The following CDKN3 variants were observed in gnomAD, a reference collection of about 807,000 sequenced individuals.
CDKN3 encodes the protein cyclin-dependent kinase inhibitor 3.
CDKN3 carries 19 observed loss-of-function variants against 36.1 expected under a neutral mutation model. The ratio of observed to expected loss-of-function variants is 0.53; its 90% CI spans 0.37 to 0.77. The LOEUF is 0.77. CDKN3 is among the 30% of genes least tolerant of loss of function. The probability of loss-of-function intolerance (pLI) is 0.00; values close to 1 mark genes in which losing one functional copy is unlikely to be tolerated. For missense variants in CDKN3, 188 were observed against 248.6 expected, an observed-to-expected ratio of 0.76 and a Z score of 1.64; for synonymous variants, 71 against 85.3, an observed-to-expected ratio of 0.83 and a Z score of 0.92.
intron 4 of CDKN3, 34 bp from the exon 5 acceptor site, chr14:54,411,448 ATG>A (rs757220020): frequency 1.0e-5 from 15 of 1,481,786 alleles, no homozygotes; most frequent in African/African-American, 1.4e-5. Context: ...GATGTTTTCT[ATG>A]TGTGTGTGTC....
At chr14:54,419,940 A>G in intron 7 of CDKN3, 52 bp from the exon 8 acceptor site, 2 of 1,011,204 alleles carry the variant, frequency 2.0e-6, no homozygotes, top group African/African-American at 3.2e-5. Flanking sequence ...TTGTGCCCAC[A>G]CTGATAACTA....
chr14:54,415,782 T>G, intron 5 of CDKN3, 117 bp from the exon 6 acceptor site: 2 of 759,928 alleles, frequency 2.6e-6, no homozygotes, highest in Middle Eastern at 2.3e-4. Flanking sequence ...AATCTTCGTG[T>G]GCAAGGCACT....
chr14:54,413,822 G>C, intron 5 of CDKN3: 1 of 1,404,202 alleles, frequency 7.1e-7, no homozygotes, highest in Non-Finnish European at 9.2e-7. Flanking sequence ...CTTGCCTACT[G>C]TATTTTGTAG....
chr14:54,408,711 C>T (rs2030248970), intron 3 of CDKN3, 34 bp from the exon 4 acceptor site: 3 of 1,558,582 alleles, frequency 1.9e-6, no homozygotes, highest in Non-Finnish European at 2.6e-6. Flanking sequence ...TGACGAAAAA[C>T]TGACTTTTTT....
rs937183586 is a variant in CDKN3 at position 54,407,697 on chromosome 14, C to G, written c.149-1048C>G. ...TCAATAATGGTGGATGCCCCTCCCCCCACCAAGCTGGAACATCCCAGGTTG... is the reference window on the plus strand; with the variant it reads ...TCAATAATGGTGGATGCCCCTCCCCGCACCAAGCTGGAACATCCCAGGTTG... On this transcript the variant is annotated intron_variant, in intron 3 of 7. Transcript: ENST00000335183. Among the ~76,000 whole-genome samples, 8 of 152,324 alleles carry G rather than the reference C, an allele frequency of 5.3e-5. No homozygotes were observed. The East Asian group carries it at 1.4e-3, about 26-fold the overall frequency.
chr14:54,416,419 T>C (rs957793372), intron 6 of CDKN3, among the ~76,000 whole-genome samples: 5 of 152,168 alleles, frequency 3.3e-5, no homozygotes, highest in Non-Finnish European at 7.3e-5. Context: ...AAGAATACTA[T>C]CAAAATGACA....
intron 5 of CDKN3, among the ~76,000 whole-genome samples, chr14:54,412,645 A>G (rs2030399367): frequency 6.6e-6 from 1 of 152,168 alleles, no homozygotes; most frequent in Non-Finnish European, 1.5e-5. Context: ...GGAAGGCCAG[A>G]GAGAGTGGCA....
chr14:54,406,887 CGAG>C (rs547004097), intron 3 of CDKN3, among the ~76,000 whole-genome samples: 80 of 152,114 alleles, frequency 5.3e-4, no homozygotes, highest in Non-Finnish European at 8.4e-4. Context: ...CCCTTGCTGG[CGAG>C]GAGTTGTGAT....
In CDKN3 at chr14:54,397,039, G is replaced by T. The variant is rs750303171; in HGVS notation, c.-30G>T. On this transcript the variant is annotated 5_prime_UTR_variant, in exon 1 of 8. Transcript: ENST00000335183. The stretch of plus-strand genomic sequence containing the variant: ...AGTCGCCGGCGCTGCAGAGGGAGGC[G>T]GCACTGGTCTCGACGTGGGGCGGCC... The T allele has an allele frequency of 2.0e-5, 29 of 1,485,700 alleles. No individual in the cohort carries two copies. The African/African-American group carries it at 2.3e-4, about 12-fold the overall frequency. The allele number at this position is 1,485,700 out of a possible 1,614,324, so 92.0% of individuals were successfully genotyped here. A position where few individuals can be genotyped will look rare whatever the true frequency, so the allele number is the denominator to read the frequency against.
chr14:54,403,026 T>C (rs574869605), intron 3 of CDKN3, among the ~76,000 whole-genome samples: 1 of 152,362 alleles, frequency 6.6e-6, no homozygotes, highest in African/African-American at 2.4e-5. Flanking sequence ...TTGTCTTGGC[T>C]ATATGGGCTC....
intron 5 of CDKN3, chr14:54,414,241 G>C (rs190949224): frequency 2.0e-5 from 3 of 152,556 alleles, no homozygotes; most frequent in Admixed American, 2.0e-4. Flanking sequence ...TGTCTTTTGG[G>C]GGGACATAAT....
chr14:54,416,465 C>A (rs1468489614), intron 6 of CDKN3, among the ~76,000 whole-genome samples: 1 of 152,038 alleles, frequency 6.6e-6, no homozygotes, highest in Non-Finnish European at 1.5e-5. Context: ...TATTTGCAAT[C>A]TATATATTTG....
At chr14:54,405,930 C>T (rs1181881172) in intron 3 of CDKN3, among the ~76,000 whole-genome samples, 2 of 152,264 alleles carry the variant, frequency 1.3e-5, no homozygotes, top group South Asian at 2.1e-4. Context: ...TTCTTCATAG[C>T]GTTGATGGTC....
chr14:54,411,010 C>T (rs1277376635), intron 4 of CDKN3, among the ~76,000 whole-genome samples: 1 of 151,930 alleles, frequency 6.6e-6, no homozygotes, highest in Non-Finnish European at 1.5e-5. Flanking sequence ...GAAACCCCGT[C>T]TCTACTAAAA....
intron 5 of CDKN3, among the ~76,000 whole-genome samples, chr14:54,413,353 ATC>A (rs2030423890): frequency 7.0e-6 from 1 of 142,026 alleles, no homozygotes; most frequent in Non-Finnish European, 1.5e-5. Context: ...CCATTTTGAG[ATC>A]TTTTTTTTTT....
chr14:54,401,569 T>G lies in CDKN3; in HGVS notation c.138T>G (p.Cys46Trp), dbSNP rs1411399263. The change falls in exon 3 of 8, where the codon TGT (cysteine) becomes TGG (tryptophan). Residue 46 changes from cysteine (C) to tryptophan (W), a missense_variant. Coordinates refer to ENST00000335183, the MANE Select transcript of CDKN3 (RefSeq NM_005192.4). ...ATTGTTCTCAGTTTCTCGGTTTATGTGCTCTTCCAGGTGGGTAACACAATA... is the reference window on the plus strand; with the variant it reads ...ATTGTTCTCAGTTTCTCGGTTTATGGGCTCTTCCAGGTGGGTAACACAATA... ...RVNCSQFLGL[C>W]ALPGCKFKDV... is the part of the protein sequence containing the mutation. 11 of 1,608,512 alleles carry G rather than the reference T, an allele frequency of 6.8e-6. No individual in the cohort carries two copies. Among genetic ancestry groups the G allele is most frequent in the Non-Finnish European group, 9.4e-6 (11 of 1,176,202 alleles).
chr14:54,406,187 G>C (rs1322941102), intron 3 of CDKN3, among the ~76,000 whole-genome samples: 4 of 152,186 alleles, frequency 2.6e-5, no homozygotes, highest in Admixed American at 2.0e-4. Flanking sequence ...CTGGCTTGTA[G>C]GGTTTCTGCA....
chr14:54,401,526 T>C lies in CDKN3; in HGVS notation c.95T>C (p.Leu32Pro). 1 of 1,608,614 alleles carries C rather than the reference T, an allele frequency of 6.2e-7. No individual in the cohort carries two copies. Residue 32 changes from leucine to proline, a missense_variant and splice_region_variant, in exon 3 of 8, where the codon CTA (leucine) becomes CCA (proline). Physicochemically the swap from Leu to Pro is moderately conservative, Grantham distance 98. Transcript: ENST00000335183. The stretch of plus-strand genomic sequence containing the variant: ...TGAAAAATTTTTCTTCTTTTCAGGC[T>C]ATCTTTGTCACGAGTGAATTGTTCT... Reference protein sequence around the residue: ...DEQTPIHISWLSLSRVNCSQF... With the variant: ...DEQTPIHISWPSLSRVNCSQF...
intron 3 of CDKN3, among the ~76,000 whole-genome samples, chr14:54,404,502 G>A (rs1304680327): frequency 1.3e-5 from 2 of 151,872 alleles, no homozygotes; most frequent in Non-Finnish European, 2.9e-5. Flanking sequence ...AAAAAAACCA[G>A]CTCCTAGATT....
Sources: gnomAD v4.1 joint callset for allele counts (sites outside exome capture counted in the v4.1 genomes callset) on GRCh38, gnomAD v4.1.1 for gene constraint, MANE v1.5 for transcripts, NCBI Gene and HGNC (gene_info 2026-07-23, HGNC 2026-07-21) for gene names.